TAFA1: variants seen among roughly 807,000 people sequenced by gnomAD.
The protein encoded by TAFA1 is chemokine-like protein TAFA-1.
In TAFA1, 4 loss-of-function variants were observed where a neutral mutation model predicts 18.5. The observed-to-expected ratio is 0.22, with a 90% confidence interval of 0.11 to 0.49. The LOEUF (loss-of-function observed/expected upper bound fraction) is 0.49, where lower values mean the gene tolerates loss of function less well. TAFA1 is among the 20% of genes least tolerant of loss of function. The probability of loss-of-function intolerance (pLI) is 0.98; values close to 1 mark genes in which losing one functional copy is unlikely to be tolerated. For missense variants in TAFA1, 147 were observed against 169.0 expected (o/e 0.87, Z 0.72); for synonymous variants, 56 against 55.2 (o/e 1.01, Z -0.06).
At chr3:68,429,102 C>A (rs2071114759) in intron 3 of TAFA1, among the ~76,000 whole-genome samples, 1 of 151,974 alleles carries the variant, frequency 6.6e-6, no homozygotes, top group Non-Finnish European at 1.5e-5. Context: ...TTCCCCATAG[C>A]TCTTTCTCAT....
At chr3:68,350,389 TAACAG>T (rs1379822822) in intron 2 of TAFA1, among the ~76,000 whole-genome samples, 1 of 152,122 alleles carries the variant, frequency 6.6e-6, no homozygotes, top group African/African-American at 2.4e-5. Context: ...TTCTAATAAA[TAACAG>T]AACAGAGTTT....
chr3:68,305,718 C>T (rs926588411), intron 2 of TAFA1, among the ~76,000 whole-genome samples: 1 of 151,540 alleles, frequency 6.6e-6, no homozygotes, highest in Non-Finnish European at 1.5e-5. Flanking sequence ...CAAGTATCAC[C>T]AAGGGAAGAG....
At chr3:68,317,226 G>A (rs149446139) in intron 2 of TAFA1, among the ~76,000 whole-genome samples, 6 of 152,220 alleles carry the variant, frequency 3.9e-5, no homozygotes, top group East Asian at 1.9e-4. Context: ...CTGCCTTTCC[G>A]AAGATTTTAC....
intron 3 of TAFA1, among the ~76,000 whole-genome samples, chr3:68,520,840 T>C (rs995964354): frequency 6.6e-6 from 1 of 152,252 alleles, no homozygotes; most frequent in South Asian, 2.1e-4. Flanking sequence ...TAATTGTTAA[T>C]ATTCGGTACT....
intron 2 of TAFA1, among the ~76,000 whole-genome samples, chr3:68,343,684 A>G (rs1298361529): frequency 1.3e-5 from 2 of 152,150 alleles, no homozygotes; most frequent in Admixed American, 6.6e-5. Flanking sequence ...TCTCTGTTGC[A>G]CTTGTTGCCA....
intron 3 of TAFA1, among the ~76,000 whole-genome samples, chr3:68,469,128 T>A (rs2071945648): frequency 6.6e-6 from 1 of 151,908 alleles, no homozygotes; most frequent in Non-Finnish European, 1.5e-5. Context: ...TTACGGTTTT[T>A]AAAATACCAT....
chr3:68,263,814 G>A (rs1242287177), intron 2 of TAFA1, among the ~76,000 whole-genome samples: 1 of 152,030 alleles, frequency 6.6e-6, no homozygotes, highest in Non-Finnish European at 1.5e-5. Context: ...TATGTTTCGT[G>A]TATCCAAGCA....
At chr3:68,507,759 G>A (rs1158507077) in intron 3 of TAFA1, among the ~76,000 whole-genome samples, 3 of 152,038 alleles carry the variant, frequency 2.0e-5, no homozygotes, top group African/African-American at 7.3e-5. Flanking sequence ...TTCTCCACAT[G>A]CAAAATGGCA....
At chr3:68,431,489 T>A (rs1575860589) in intron 3 of TAFA1, among the ~76,000 whole-genome samples, 1 of 152,138 alleles carries the variant, frequency 6.6e-6, no homozygotes, top group African/African-American at 2.4e-5. Flanking sequence ...CTATTGTTAT[T>A]ATCCCCATTT....
chr3:68,512,912 C>T (rs984145434), intron 3 of TAFA1, among the ~76,000 whole-genome samples: 2 of 152,024 alleles, frequency 1.3e-5, no homozygotes, highest in South Asian at 2.1e-4. Flanking sequence ...CCATCTCCAC[C>T]TTTGTACATT....
chr3:68,454,044 G>T (rs538296801), intron 3 of TAFA1, among the ~76,000 whole-genome samples: 3 of 152,276 alleles, frequency 2.0e-5, no homozygotes, highest in African/African-American at 7.2e-5. Context: ...TACCAATGGG[G>T]CACCTACAGC....
At chr3:68,174,140 T>A (rs773097886) in intron 2 of TAFA1, among the ~76,000 whole-genome samples, 3 of 152,236 alleles carry the variant, frequency 2.0e-5, no homozygotes, top group Admixed American at 6.5e-5. Flanking sequence ...AACTGGATTG[T>A]GCTTTATAGG....
chr3:68,180,462 C>T (rs1049011609), intron 2 of TAFA1, among the ~76,000 whole-genome samples: 7 of 152,228 alleles, frequency 4.6e-5, no homozygotes, highest in Non-Finnish European at 8.8e-5. Flanking sequence ...CAGCATCACA[C>T]CTGCAGGCAA....
At chr3:68,526,942 T>C (rs2073118702) in intron 3 of TAFA1, among the ~76,000 whole-genome samples, 1 of 152,106 alleles carries the variant, frequency 6.6e-6, no homozygotes, top group South Asian at 2.1e-4. Flanking sequence ...CAAATTACTA[T>C]CCACTGTAAA....
chr3:68,454,048 C>G (rs2071613635), intron 3 of TAFA1, among the ~76,000 whole-genome samples: 1 of 152,134 alleles, frequency 6.6e-6, no homozygotes, highest in South Asian at 2.1e-4. Context: ...AATGGGGCAC[C>G]TACAGCAACT....
intron 2 of TAFA1, among the ~76,000 whole-genome samples, chr3:68,188,448 T>G (rs1322138254): frequency 1.3e-5 from 2 of 150,106 alleles, no homozygotes; most frequent in African/African-American, 4.9e-5. Flanking sequence ...GTACAGACAT[T>G]TGAAAGTAGT....
intron 2 of TAFA1, among the ~76,000 whole-genome samples, chr3:68,366,956 A>T (rs189712595): frequency 2.0e-5 from 3 of 152,252 alleles, no homozygotes; most frequent in African/African-American, 7.2e-5. Flanking sequence ...CTGGACATTG[A>T]CCCTGACTCA....
At chr3:68,402,857 A>G (rs6775916) in intron 2 of TAFA1, among the ~76,000 whole-genome samples, 2,364 of 152,300 alleles carry the variant, frequency 0.016, 71 homozygotes, top group African/African-American at 0.048. Flanking sequence ...AAATGGCTCC[A>G]CCCAATAGTT....
intron 2 of TAFA1, among the ~76,000 whole-genome samples, chr3:68,298,033 C>G (rs746833472): frequency 6.6e-6 from 1 of 152,168 alleles, no homozygotes; most frequent in Non-Finnish European, 1.5e-5. Context: ...GTTTCCCTCT[C>G]AGACAAAATT....
Sources: gnomAD v4.1 joint callset for allele counts (sites outside exome capture counted in the v4.1 genomes callset) on GRCh38, gnomAD v4.1.1 for gene constraint, MANE v1.5 for transcripts, NCBI Gene and HGNC (gene_info 2026-07-23, HGNC 2026-07-21) for gene names.